Variants in ANKS1B observed in about 807,000 individuals in gnomAD.
ANKS1B encodes ankyrin repeat and sterile alpha motif domain-containing protein 1B.
ANKS1B carries 36 observed loss-of-function variants against 148.3 expected under a neutral mutation model. The observed-to-expected ratio is 0.24, with a 90% confidence interval of 0.19 to 0.32. ANKS1B has a LOEUF of 0.32. ANKS1B is among the 10% of genes least tolerant of loss of function. The pLI, the probability that ANKS1B is intolerant of heterozygous loss-of-function variation, is 1.00. For synonymous variants in ANKS1B, 542 were observed against 560.8 expected (o/e 0.97, Z 0.47); for missense variants, 1,157 against 1,542.6 (o/e 0.75, Z 4.19).
intron 8 of ANKS1B, among the ~76,000 whole-genome samples, chr12:99,754,024 A>AAAAAT (rs576080568): frequency 1.1e-4 from 16 of 152,018 alleles, no homozygotes; most frequent in East Asian, 5.8e-4. Flanking sequence ...ACTCCATCTC[A>AAAAAT]AAAATAAAAT....
intron 1 of ANKS1B, among the ~76,000 whole-genome samples, chr12:99,884,544 C>T (rs983549518): frequency 2.0e-5 from 3 of 152,202 alleles, no homozygotes. Context: ...CACATTCATA[C>T]AACAGAATAC....
intron 9 of ANKS1B, among the ~76,000 whole-genome samples, chr12:99,538,867 C>G (rs1275618929): frequency 1.3e-5 from 2 of 152,126 alleles, no homozygotes; most frequent in Non-Finnish European, 2.9e-5. Flanking sequence ...GTGCTACTAG[C>G]TATGGGTCTT....
intron 1 of ANKS1B, among the ~76,000 whole-genome samples, chr12:99,856,796 C>A (rs1291417126): frequency 6.6e-6 from 1 of 152,122 alleles, no homozygotes; most frequent in Non-Finnish European, 1.5e-5. Context: ...ATGATCATCT[C>A]AATAGACACA....
chr12:99,498,442 G>A (rs1220730014), intron 10 of ANKS1B, among the ~76,000 whole-genome samples: 2 of 152,116 alleles, frequency 1.3e-5, no homozygotes, highest in Non-Finnish European at 2.9e-5. Context: ...CTTGCCTGGA[G>A]TGCCATACCT....
At chr12:98,957,563 G>T (rs1223388852) in intron 17 of ANKS1B, among the ~76,000 whole-genome samples, 2 of 151,922 alleles carry the variant, frequency 1.3e-5, no homozygotes, top group Non-Finnish European at 2.9e-5. Flanking sequence ...GGCCAGGATG[G>T]TCTCAAACTC....
intron 8 of ANKS1B, among the ~76,000 whole-genome samples, chr12:99,742,326 C>G (rs1319032633): frequency 1.3e-5 from 2 of 149,436 alleles, no homozygotes; most frequent in Non-Finnish European, 3.0e-5. Context: ...ATTGAAATAT[C>G]AAAACATTCC....
intron 14 of ANKS1B, among the ~76,000 whole-genome samples, chr12:99,199,771 A>G (rs1234068232): frequency 3.9e-5 from 6 of 152,178 alleles, no homozygotes; most frequent in Non-Finnish European, 8.8e-5. Flanking sequence ...TCCTTCAGCT[A>G]TGATATTCCT....
At chr12:98,817,108 T>C (rs1280709314) in intron 19 of ANKS1B, among the ~76,000 whole-genome samples, 1 of 152,192 alleles carries the variant, frequency 6.6e-6, no homozygotes, top group East Asian at 1.9e-4. Context: ...GCAAGAAATA[T>C]GAAAGTTTCA....
intron 15 of ANKS1B, among the ~76,000 whole-genome samples, chr12:99,101,961 G>C (rs1162926493): frequency 6.6e-6 from 1 of 152,180 alleles, no homozygotes; most frequent in Admixed American, 6.5e-5. Flanking sequence ...TTTGGGGAGA[G>C]GTTCAGGCTA....
rs73377310 is a variant in ANKS1B, at chr12:99,194,531, A to C, written c.2420-40136T>G. On this transcript the variant is annotated intron_variant, in intron 14 of 26. Coordinates refer to ENST00000683438, the MANE Select transcript of ANKS1B (RefSeq NM_001352186.2). The stretch of plus-strand genomic sequence containing the variant: ...AACATTTTGGAATGACTTCATCCAC[A>C]AATTTTGAGGAATGAAACAAAAAAG... 1.3e-5 allele frequency among the ~76,000 whole-genome samples: 2 copies of C among 152,122 alleles called. 1 individual carries two copies. The highest frequency in any genetic ancestry group is 2.9e-5 in the Non-Finnish European group (2 of 68,022).
chr12:99,086,302 G>A (rs2051769752), intron 15 of ANKS1B, among the ~76,000 whole-genome samples: 1 of 152,116 alleles, frequency 6.6e-6, no homozygotes, highest in Admixed American at 6.6e-5. Flanking sequence ...AGGACAATGG[G>A]GAAATTATGT....
chr12:99,206,746 C>G (rs113096060), intron 14 of ANKS1B, among the ~76,000 whole-genome samples: 5 of 152,102 alleles, frequency 3.3e-5, no homozygotes, highest in African/African-American at 1.2e-4. Flanking sequence ...ACTCTGGAGT[C>G]AGTAATGTAG....
At chr12:99,635,455 T>C (rs1598522842) in intron 9 of ANKS1B, among the ~76,000 whole-genome samples, 1 of 152,158 alleles carries the variant, frequency 6.6e-6, no homozygotes, top group African/African-American at 2.4e-5. Context: ...TGCCACAACA[T>C]AGATGAATCT....
At chr12:99,046,999 T>TG (rs1167461887) in intron 17 of ANKS1B, among the ~76,000 whole-genome samples, 1 of 151,676 alleles carries the variant, frequency 6.6e-6, no homozygotes, top group African/African-American at 2.4e-5. Flanking sequence ...GAAAAAAGAC[T>TG]GAAAAAAAAT....
chr12:99,588,576 C>T (rs755311292), intron 9 of ANKS1B, among the ~76,000 whole-genome samples: 8 of 152,040 alleles, frequency 5.3e-5, no homozygotes, highest in African/African-American at 1.4e-4. Context: ...GCCACTACGC[C>T]CGGCTAATTG....
At chr12:98,990,042 GAAAA>G (rs1369138548) in intron 17 of ANKS1B, among the ~76,000 whole-genome samples, 1 of 151,974 alleles carries the variant, frequency 6.6e-6, no homozygotes, top group African/African-American at 2.4e-5. Context: ...AAAACAGAAA[GAAAA>G]AGAAAGAAAG....
At chr12:98,764,728 T>A (rs1301974691) in intron 25 of ANKS1B, among the ~76,000 whole-genome samples, 1 of 152,240 alleles carries the variant, frequency 6.6e-6, no homozygotes, top group Non-Finnish European at 1.5e-5. Context: ...CTAAATTGAA[T>A]TAATGAGTTG....
At chr12:99,854,226 A>T (rs1247003730) in intron 1 of ANKS1B, among the ~76,000 whole-genome samples, 4 of 152,130 alleles carry the variant, frequency 2.6e-5, no homozygotes, top group Non-Finnish European at 4.4e-5. Flanking sequence ...GTTAGCCAGG[A>T]TGGCCTCGAT....
At chr12:98,846,408 G>C (rs1170920018) in intron 17 of ANKS1B, among the ~76,000 whole-genome samples, 2 of 152,356 alleles carry the variant, frequency 1.3e-5, no homozygotes, top group East Asian at 3.9e-4. Flanking sequence ...TCTTGGCCTA[G>C]GCCAGCCATG....
Sources: gnomAD v4.1 joint callset for allele counts (sites outside exome capture counted in the v4.1 genomes callset) on GRCh38, gnomAD v4.1.1 for gene constraint, MANE v1.5 for transcripts, NCBI Gene and HGNC (gene_info 2026-07-23, HGNC 2026-07-21) for gene names.